ZNF704: variants seen among roughly 807,000 people sequenced by gnomAD.
ZNF704 encodes the protein zinc finger protein 704, also known as glucocorticoid induced gene 1.
In ZNF704, 10 loss-of-function variants were observed where a neutral mutation model predicts 44.7. That is an observed-to-expected ratio of 0.22 (90% confidence interval 0.14 to 0.38). The LOEUF (loss-of-function observed/expected upper bound fraction) is 0.38, where lower values mean the gene tolerates loss of function less well. Among genes scored for constraint, ZNF704 ranks in the 10% least tolerant of loss-of-function variants. The pLI is 1.00. For missense variants in ZNF704, 390 were observed against 545.5 expected (o/e 0.71, Z 2.84); for synonymous variants, 211 against 207.6 (o/e 1.02, Z -0.14).
chr8:80,660,257 A>G (rs543204509), intron 6 of ZNF704, among the ~76,000 whole-genome samples: 20 of 152,228 alleles, frequency 1.3e-4, no homozygotes, highest in Middle Eastern at 3.4e-3. Flanking sequence ...GGATCGCTTG[A>G]GCCCAGAGTT....
chr8:80,777,609 T>G (rs1807436839), intron 2 of ZNF704, among the ~76,000 whole-genome samples: 1 of 152,168 alleles, frequency 6.6e-6, no homozygotes, highest in Non-Finnish European at 1.5e-5. Flanking sequence ...CCAGGCATGG[T>G]AGCTCACACC....
chr8:80,785,271 GT>G (rs1389169795), intron 2 of ZNF704, among the ~76,000 whole-genome samples: 1 of 152,136 alleles, frequency 6.6e-6, no homozygotes, highest in Admixed American at 6.6e-5. Context: ...GGGGCTATGG[GT>G]TTTTGGGAAG....
In ZNF704 at chr8:80,770,002, G is replaced by A. The variant is rs183486817; in HGVS notation, c.221+51372C>T. On this transcript the variant is annotated intron_variant, in intron 2 of 8. Transcript: ENST00000327835. ...AGGTGAAAGGCACGCCTCACATGGT[G>A]GCAGACAAGAGAAAAGAACTTGTGC... 4.5e-3 allele frequency among the ~76,000 whole-genome samples: 683 copies of A among 152,266 alleles called. 7 individuals are homozygous for A. Among genetic ancestry groups the A allele is most frequent in the African/African-American group, 0.016 (652 of 41,560 alleles).
intron 1 of ZNF704, among the ~76,000 whole-genome samples, chr8:80,831,810 T>G (rs1339786415): frequency 6.6e-6 from 1 of 152,210 alleles, no homozygotes; most frequent in African/African-American, 2.4e-5. Context: ...ACTGACAGCT[T>G]CCTGTAGGAG....
intron 1 of ZNF704, among the ~76,000 whole-genome samples, chr8:80,832,192 T>A (rs941602576): frequency 1.3e-5 from 2 of 152,172 alleles, no homozygotes; most frequent in African/African-American, 4.8e-5. Flanking sequence ...TATATAAATA[T>A]GATATACTTG....
At chr8:80,732,582 G>T (rs1266275751) in intron 2 of ZNF704, among the ~76,000 whole-genome samples, 1 of 152,210 alleles carries the variant, frequency 6.6e-6, no homozygotes, top group African/African-American at 2.4e-5. Context: ...GCTCCTTTCA[G>T]ATGGCTTTAG....
In ZNF704 at chr8:80,630,978, A is replaced by AT. The variant is rs1029760329; in HGVS notation, c.*10387dup. Reference sequence around the variant, plus strand: ...GTCATGGGACTAGTATGTTTTGGAGATTTTTTAGTTCTTCCCTAAAAAGCT... The same window carrying AT: ...GTCATGGGACTAGTATGTTTTGGAGATTTTTTTAGTTCTTCCCTAAAAAGCT... On this transcript the variant is annotated 3_prime_UTR_variant, in exon 9 of 9. Coordinates refer to ENST00000327835, the MANE Select transcript of ZNF704 (RefSeq NM_001033723.3). 3 of 151,846 alleles carry AT rather than the reference A, an allele frequency of 2.0e-5. No homozygotes were observed. The highest frequency in any genetic ancestry group is 4.4e-5 in the Non-Finnish European group (3 of 67,968). The allele number at this position is 151,846 out of a possible 1,614,324, so 9.4% of individuals were successfully genotyped here. A position where few individuals can be genotyped will look rare whatever the true frequency, so the allele number is the denominator to read the frequency against.
chr8:80,673,090 C>T (rs1424933311), intron 4 of ZNF704: 1 of 152,100 alleles, frequency 6.6e-6, no homozygotes, highest in Non-Finnish European at 1.5e-5. Context: ...TATGAAACAT[C>T]TATGATTTTG....
chr8:80,741,411 T>C (rs1009580914), intron 2 of ZNF704, among the ~76,000 whole-genome samples: 8 of 152,198 alleles, frequency 5.3e-5, no homozygotes, highest in African/African-American at 1.7e-4. Context: ...TGTGGCATAC[T>C]TGAGTAAGAA....
intron 2 of ZNF704, among the ~76,000 whole-genome samples, chr8:80,764,794 G>A (rs779569952): frequency 1.4e-4 from 22 of 152,156 alleles, no homozygotes; most frequent in Admixed American, 3.9e-4. Context: ...AGCCTCGTAC[G>A]CTTATCACAG....
chr8:80,774,066 G>A (rs1278777501), intron 2 of ZNF704, among the ~76,000 whole-genome samples: 1 of 141,374 alleles, frequency 7.1e-6, no homozygotes, highest in East Asian at 2.0e-4. Flanking sequence ...TTTTTTTTTG[G>A]ATACAGGGTC....
upstream of ZNF704, among the ~76,000 whole-genome samples, chr8:80,876,099 G>A (rs984202747): frequency 1.8e-4 from 27 of 152,116 alleles, no homozygotes; most frequent in African/African-American, 6.0e-4. Context: ...TTCAAAAGTG[G>A]AAGTTTCTAA....
intron 2 of ZNF704, among the ~76,000 whole-genome samples, chr8:80,733,547 T>G (rs977422628): frequency 1.3e-5 from 2 of 152,228 alleles, no homozygotes; most frequent in African/African-American, 4.8e-5. Context: ...ACTTCACTCT[T>G]ATTCCTGGCA....
At position 80,631,993 on chromosome 8, in the gene ZNF704, A is replaced by C. The variant is rs1406959895; in HGVS notation, c.*9373T>G. 1 of 152,186 alleles carries C rather than the reference A, an allele frequency of 6.6e-6. No homozygotes were observed. The highest frequency in any genetic ancestry group is 1.5e-5 in the Non-Finnish European group (1 of 68,038). The allele number at this position is 152,186 out of a possible 1,614,324, so 9.4% of individuals were successfully genotyped here. On this transcript the variant is annotated 3_prime_UTR_variant, in exon 9 of 9. Coordinates refer to ENST00000327835, the MANE Select transcript of ZNF704 (RefSeq NM_001033723.3). The stretch of plus-strand genomic sequence containing the variant: ...GCTCAGGCAGATGAGGGCAAAGGGG[A>C]GGGTAATCTTTCAATGGCAAATTCA...
At chr8:80,769,671 ACTG>A (rs1807285976) in intron 2 of ZNF704, among the ~76,000 whole-genome samples, 1 of 152,178 alleles carries the variant, frequency 6.6e-6, no homozygotes, top group Non-Finnish European at 1.5e-5. Flanking sequence ...TGTTGTACAT[ACTG>A]CTATCAGCAT....
At chr8:80,688,133 A>G (rs754357677) in intron 3 of ZNF704, among the ~76,000 whole-genome samples, 1 of 151,948 alleles carries the variant, frequency 6.6e-6, no homozygotes, top group Non-Finnish European at 1.5e-5. Context: ...ACTTGAGCCC[A>G]GGGGTTTGAG....
At chr8:80,738,925 C>A (rs1006111395) in intron 2 of ZNF704, among the ~76,000 whole-genome samples, 2 of 152,138 alleles carry the variant, frequency 1.3e-5, no homozygotes, top group African/African-American at 4.8e-5. Context: ...GGGATGAAAT[C>A]TGAGATATGA....
chr8:80,832,566 A>G lies in ZNF704; in HGVS notation c.-21-10951T>C, dbSNP rs564432479. On this transcript the variant is annotated intron_variant, in intron 1 of 8. Coordinates refer to ENST00000327835, the MANE Select transcript of ZNF704 (RefSeq NM_001033723.3). ...TGTCCTCAGTTACTCATCTCAACCAAATCAGATTTGAGGAGTTGGCTCCGG... is the reference window on the plus strand; with the variant it reads ...TGTCCTCAGTTACTCATCTCAACCAGATCAGATTTGAGGAGTTGGCTCCGG... 9.8e-5 allele frequency among the ~76,000 whole-genome samples: 15 copies of G among 152,290 alleles called. No individual in the cohort carries two copies. In the South Asian group the frequency reaches 3.1e-3, roughly 32 times the overall value.
At chr8:80,799,800 T>C (rs1807868505) in intron 2 of ZNF704, among the ~76,000 whole-genome samples, 1 of 152,080 alleles carries the variant, frequency 6.6e-6, no homozygotes, top group Admixed American at 6.5e-5. Flanking sequence ...GGCAAAGAAC[T>C]GGGCTGAGGC....
Sources: gnomAD v4.1 joint callset for allele counts (sites outside exome capture counted in the v4.1 genomes callset) on GRCh38, gnomAD v4.1.1 for gene constraint, MANE v1.5 for transcripts, NCBI Gene and HGNC (gene_info 2026-07-23, HGNC 2026-07-21) for gene names.